The following OSBP2 variants were observed in gnomAD, a reference collection of about 807,000 sequenced individuals.
The protein encoded by OSBP2 is oxysterol binding protein 2.
OSBP2 carries 66 observed loss-of-function variants against 96.0 expected under a neutral mutation model. The ratio of observed to expected loss-of-function variants is 0.69; its 90% CI spans 0.56 to 0.84. The LOEUF is 0.84. Among genes scored for constraint, OSBP2 ranks in the 40% least tolerant of loss-of-function variants. OSBP2 has a pLI of 0.00. For missense variants in OSBP2, 1,038 were observed against 1,222.7 expected (o/e 0.85, Z 2.25); for synonymous variants, 525 against 520.9 (o/e 1.01, Z -0.11).
intron 2 of OSBP2, among the ~76,000 whole-genome samples, chr22:30,794,941 C>T (rs1208833054): frequency 4.1e-5 from 6 of 145,692 alleles, no homozygotes; most frequent in Non-Finnish European, 7.4e-5. Context: ...GACAGAGTCT[C>T]GCTCTGTCAC....
chr22:30,757,659 C>A (rs2090158448), intron 2 of OSBP2, among the ~76,000 whole-genome samples: 1 of 152,142 alleles, frequency 6.6e-6, no homozygotes, highest in Admixed American at 6.5e-5. Flanking sequence ...CTCAAGTGGT[C>A]TGCCCGCCTC....
chr22:30,896,841 T>C (rs2040079542), intron 12 of OSBP2, among the ~76,000 whole-genome samples: 1 of 151,926 alleles, frequency 6.6e-6, no homozygotes, highest in Non-Finnish European at 1.5e-5. Context: ...AGAGACAGGG[T>C]GTCACTATGT....
chr22:30,872,743 G>A (rs561472683), intron 3 of OSBP2, among the ~76,000 whole-genome samples: 2 of 152,344 alleles, frequency 1.3e-5, no homozygotes, highest in African/African-American at 4.8e-5. Context: ...GACTGTGCTT[G>A]TAGCCCAGGC....
At chr22:30,778,667 T>C (rs2090471835) in intron 2 of OSBP2, among the ~76,000 whole-genome samples, 3 of 151,962 alleles carry the variant, frequency 2.0e-5, no homozygotes, top group Admixed American at 2.0e-4. Context: ...TTTTAAAAAA[T>C]AGAAGTGAGT....
At chr22:30,818,672 G>A (rs775059521) in intron 2 of OSBP2, among the ~76,000 whole-genome samples, 1 of 152,198 alleles carries the variant, frequency 6.6e-6, no homozygotes, top group Non-Finnish European at 1.5e-5. Context: ...ATGTGTGTGT[G>A]TGTGTGCCAC....
chr22:30,757,871 C>T (rs1385070542), intron 2 of OSBP2, among the ~76,000 whole-genome samples: 1 of 152,180 alleles, frequency 6.6e-6, no homozygotes, highest in Non-Finnish European at 1.5e-5. Flanking sequence ...ACCTGGGTGT[C>T]ACCTTGAGTC....
At chr22:30,758,350 G>A (rs1049701972) in intron 2 of OSBP2, among the ~76,000 whole-genome samples, 11 of 152,138 alleles carry the variant, frequency 7.2e-5, no homozygotes, top group African/African-American at 1.9e-4. Flanking sequence ...GCAGTGAGCC[G>A]AGATGGCACC....
chr22:30,797,825 C>T (rs530895458), intron 2 of OSBP2, among the ~76,000 whole-genome samples: 8 of 152,236 alleles, frequency 5.3e-5, no homozygotes, highest in African/African-American at 1.9e-4. Flanking sequence ...AACTCCTGAG[C>T]TCAAGCAATC....
chr22:30,725,179 AACAAAAAAACAAAAAAAC>A (rs1366545130), intron 1 of OSBP2, among the ~76,000 whole-genome samples: 3 of 86,556 alleles, frequency 3.5e-5, no homozygotes, highest in Admixed American at 1.1e-4. Context: ...CTGTCTCAAA[AACAAAAAAACAAAAAAAC>A]AAAAAAAAAA....
intron 2 of OSBP2, among the ~76,000 whole-genome samples, chr22:30,775,156 A>C (rs1421437665): frequency 6.6e-6 from 1 of 151,918 alleles, no homozygotes; most frequent in East Asian, 1.9e-4. Context: ...CGTTTTCATC[A>C]CTCCAAAGGA....
chr22:30,818,492 G>A (rs1279393302), intron 2 of OSBP2, among the ~76,000 whole-genome samples: 1 of 152,190 alleles, frequency 6.6e-6, no homozygotes, highest in African/African-American at 2.4e-5. Context: ...GCTGTAGGGT[G>A]TGGATGTGCT....
intron 2 of OSBP2, among the ~76,000 whole-genome samples, chr22:30,859,808 A>C (rs2039172394): frequency 6.6e-6 from 1 of 152,268 alleles, no homozygotes; most frequent in African/African-American, 2.4e-5. Flanking sequence ...TGTGGAACAA[A>C]GGAAAGTTTA....
intron 2 of OSBP2, among the ~76,000 whole-genome samples, chr22:30,840,737 G>A (rs2038735877): frequency 6.6e-6 from 1 of 151,866 alleles, no homozygotes; most frequent in East Asian, 1.9e-4. Flanking sequence ...CTGTATGGTG[G>A]GTGGGAGGAC....
intron 2 of OSBP2, among the ~76,000 whole-genome samples, chr22:30,784,208 C>A (rs2090556513): frequency 6.6e-6 from 1 of 150,662 alleles, no homozygotes; most frequent in Non-Finnish European, 1.5e-5. Flanking sequence ...ATTCAAATCA[C>A]TTGGAAAAGA....
At chr22:30,869,990 G>A (rs1366078450) in intron 2 of OSBP2, among the ~76,000 whole-genome samples, 1 of 152,210 alleles carries the variant, frequency 6.6e-6, no homozygotes, top group Non-Finnish European at 1.5e-5. Context: ...TTGGCTTGGG[G>A]TAGGCCTGCG....
intron 2 of OSBP2, among the ~76,000 whole-genome samples, chr22:30,809,061 G>T (rs2090972156): frequency 6.6e-6 from 1 of 152,194 alleles, no homozygotes; most frequent in Non-Finnish European, 1.5e-5. Context: ...TTGGAATTAT[G>T]CTGCCACGGC....
chr22:30,753,254 G>T (rs540807830), intron 2 of OSBP2, among the ~76,000 whole-genome samples: 2 of 152,220 alleles, frequency 1.3e-5, no homozygotes, highest in African/African-American at 4.8e-5. Context: ...CTGGAGGTGG[G>T]GTGTGGGGAT....
chr22:30,745,666 C>CA (rs71328868), intron 2 of OSBP2, among the ~76,000 whole-genome samples: 2,193 of 57,296 alleles, frequency 0.038, 26 homozygotes, highest in Non-Finnish European at 0.044. Flanking sequence ...GACTCTGTCT[C>CA]AAAAAAAAAA....
chr22:30,852,116 G>A (rs1024981187), intron 2 of OSBP2, among the ~76,000 whole-genome samples: 1 of 152,146 alleles, frequency 6.6e-6, no homozygotes, highest in African/African-American at 2.4e-5. Context: ...GGGTTTAGGG[G>A]CTTGTAGTTT....
Sources: allele counts gnomAD v4.1 joint callset (sites outside exome capture counted in the v4.1 genomes callset), GRCh38; gene constraint gnomAD v4.1.1; transcripts MANE v1.5; gene names NCBI Gene and HGNC (gene_info 2026-07-23, HGNC 2026-07-21).